Variants in SLC17A9 observed in about 807,000 individuals in gnomAD.
SLC17A9 encodes solute carrier family 17 member 9.
SLC17A9 carries 49 observed loss-of-function variants against 55.0 expected under a neutral mutation model. The observed-to-expected ratio is 0.89, with a 90% CI of 0.71 to 1.13. The LOEUF (loss-of-function observed/expected upper bound fraction) is 1.13, where lower values mean the gene tolerates loss of function less well. Ranked by LOEUF, SLC17A9 falls within the 50% of genes most tolerant of loss-of-function variation. SLC17A9 has a pLI of 0.00. For synonymous variants in SLC17A9, 256 were observed against 247.4 expected (o/e 1.03, Z -0.32); for missense variants, 526 against 569.3 (o/e 0.92, Z 0.77).
chr20:62,961,057 C>G, intron 4 of SLC17A9, among the ~76,000 whole-genome samples: 1 of 129,400 alleles, frequency 7.7e-6, no homozygotes, highest in Non-Finnish European at 1.7e-5. Flanking sequence ...GGCTGGAGGG[C>G]GGCTTGTCCT....
chr20:62,962,505 G>C lies in SLC17A9; in HGVS notation c.498-119G>C. The C allele has an allele frequency of 7.4e-7, 1 of 1,346,632 alleles. No homozygotes were observed. The highest frequency in any genetic ancestry group is 1.4e-5 in the South Asian group (1 of 70,852). The allele number at this position is 1,346,632 out of a possible 1,614,324, so 83.4% of individuals were successfully genotyped here. On this transcript the variant is annotated intron_variant, in intron 4 of 12. Transcript: ENST00000370351. This position sits in a 1 kb window ranked among gnomAD's most constrained non-coding sequence, Gnocchi z 5.5. ...GCTTCTGAGCTGCTCCTCTGGAGGC[G>C]ATGAAAACACCCTCTTCTCCAGGGG...
chr20:62,965,050 G>A, intron 8 of SLC17A9, 82 bp from the exon 9 acceptor site: 1 of 1,539,438 alleles, frequency 6.5e-7, no homozygotes, highest in Non-Finnish European at 9.0e-7. Context: ...CTGCCCCTCT[G>A]CAGCCATTCG....
At position 62,966,752 on chromosome 20, in the gene SLC17A9, G is replaced by C; in HGVS notation, c.1147+20G>C. 1.9e-6 allele frequency: 3 copies of C among 1,603,088 alleles called. No homozygotes were observed. The highest frequency in any genetic ancestry group is 2.5e-6 in the Non-Finnish European group (3 of 1,177,250). The stretch of plus-strand genomic sequence containing the variant: ...TGGCAGGTGAGGGGCGGGCCTCTGT[G>C]CCCAGGAGTTCCCCTGTCTGTGGGG... On this transcript the variant is annotated intron_variant, in intron 12 of 12. Transcript: ENST00000370351.
chr20:62,959,476 T>C (rs558569370), intron 3 of SLC17A9, among the ~76,000 whole-genome samples: 1 of 152,366 alleles, frequency 6.6e-6, no homozygotes, highest in Non-Finnish European at 1.5e-5. Context: ...GGCTGCGTGG[T>C]AACGGTGGGC....
In SLC17A9 at chr20:62,958,003, T is replaced by TGCATGCACATGTGTGA. The variant is rs2065556797; in HGVS notation, c.397+432_397+447dup. Among the ~76,000 whole-genome samples the TGCATGCACATGTGTGA allele has an allele frequency of 6.6e-6, 1 of 152,126 alleles. No homozygotes were observed. Among genetic ancestry groups the TGCATGCACATGTGTGA allele is most frequent in the Non-Finnish European group, 1.5e-5 (1 of 68,004 alleles). ...GCTTGTGCGTGTGCGTACGTATGTG[T>TGCATGCACATGTGTGA]GCATGCACATGTGTGAGCATGCACT... is the stretch of plus-strand genomic sequence containing the variant. On this transcript the variant is annotated intron_variant, in intron 3 of 12. Coordinates refer to ENST00000370351, the MANE Select transcript of SLC17A9 (RefSeq NM_022082.4). The surrounding 1 kb of genome is among the most constrained non-coding windows in gnomAD (Gnocchi z 4.1).
intron 1 of SLC17A9, among the ~76,000 whole-genome samples, chr20:62,954,581 C>T (rs778100834): frequency 4.6e-5 from 7 of 152,216 alleles, no homozygotes; most frequent in East Asian, 1.9e-4. Flanking sequence ...CCGTCCCCCG[C>T]GCCCCCAGCA....
intron 7 of SLC17A9, 68 bp downstream of exon 7, chr20:62,963,748 C>T: frequency 7.0e-7 from 1 of 1,422,504 alleles, no homozygotes; most frequent in South Asian, 1.2e-5. Context: ...GCACCAGGCA[C>T]TGTGGGTCCT....
In SLC17A9 at chr20:62,957,594, A is replaced by C; in HGVS notation, c.397+14A>C. ...GCTTGCTCCAAGGTAAGGGGAGCTC[A>C]GGCGGCTCCCTCACGCTCTCTGGCA... is the stretch of plus-strand genomic sequence containing the variant. On this transcript the variant is annotated intron_variant, in intron 3 of 12. Transcript: ENST00000370351. 1.3e-6 allele frequency: 2 copies of C among 1,525,460 alleles called. No individual in the cohort carries two copies. The highest frequency in any genetic ancestry group is 8.8e-7 in the Non-Finnish European group (1 of 1,136,632). The allele number at this position is 1,525,460 out of a possible 1,614,324, so 94.5% of individuals were successfully genotyped here.
Position 62,962,516 on chromosome 20 carries a change from C to A in SLC17A9, c.498-108C>A. 7.0e-7 allele frequency: 1 copy of A among 1,426,146 alleles called. No individual in the cohort carries two copies. The highest frequency in any genetic ancestry group is 9.4e-7 in the Non-Finnish European group (1 of 1,063,420). The allele number at this position is 1,426,146 out of a possible 1,614,324, so 88.3% of individuals were successfully genotyped here. On this transcript the variant is annotated intron_variant, in intron 4 of 12. Coordinates refer to ENST00000370351, the MANE Select transcript of SLC17A9 (RefSeq NM_022082.4). The surrounding 1 kb of genome is among the most constrained non-coding windows in gnomAD (Gnocchi z 5.5). ...GCTCCTCTGGAGGCGATGAAAACAC[C>A]CTCTTCTCCAGGGGCTCAGCCTGCA...
At position 62,958,202 on chromosome 20, in the gene SLC17A9, ACT is replaced by A. The variant is rs1332116578; in HGVS notation, c.397+625_397+626del. ...ATGTGTGTGCCTTCTGTAGGTGCACACTCTGCAGTGATACACAGGATCACAGG... is the reference window on the plus strand; with the variant it reads ...ATGTGTGTGCCTTCTGTAGGTGCACACTGCAGTGATACACAGGATCACAGG... On this transcript the variant is annotated intron_variant, in intron 3 of 12. Transcript: ENST00000370351. This position sits in a 1 kb window ranked among gnomAD's most constrained non-coding sequence, Gnocchi z 4.1. Among the ~76,000 whole-genome samples, 1 of 151,934 alleles carries A rather than the reference ACT, an allele frequency of 6.6e-6. No homozygotes were observed. Among genetic ancestry groups the A allele is most frequent in the Non-Finnish European group, 1.5e-5 (1 of 67,984 alleles).
intron 1 of SLC17A9, 197 bp downstream of exon 1, chr20:62,953,086 AT>A: frequency 1.5e-6 from 2 of 1,297,532 alleles, no homozygotes; most frequent in East Asian, 5.1e-5. Context: ...CTGCCATGAG[AT>A]TCCAGGACCG....
chr20:62,955,738 T>C (rs1206775310), intron 1 of SLC17A9, among the ~76,000 whole-genome samples: 7 of 152,328 alleles, frequency 4.6e-5, no homozygotes, highest in Admixed American at 1.3e-4. Context: ...ACAGAGAGCC[T>C]GGGGCTAGGT....
chr20:62,953,213 G>A, intron 1 of SLC17A9: 1 of 1,550,478 alleles, frequency 6.4e-7, no homozygotes, highest in Non-Finnish European at 8.7e-7. Flanking sequence ...CTCGCCAGGT[G>A]GAACCACCCT....
In SLC17A9 at chr20:62,967,553, CAG is replaced by C; in HGVS notation, c.*54_*55del. ...CCCAGGCGCCAGCAGCCCCAGGACA[CAG>C]GGGACTCAGTGTGTGGGACTTGGTC... On this transcript the variant is annotated 3_prime_UTR_variant, in exon 13 of 13. Coordinates refer to ENST00000370351, the MANE Select transcript of SLC17A9 (RefSeq NM_022082.4). 2 of 1,578,398 alleles carry C rather than the reference CAG, an allele frequency of 1.3e-6. No homozygotes were observed. The highest frequency in any genetic ancestry group is 2.2e-5 in the East Asian group (1 of 44,476).
chr20:62,966,432 C>G (rs369212321), intron 10 of SLC17A9, 93 bp from the exon 11 acceptor site: 3 of 1,430,288 alleles, frequency 2.1e-6, no homozygotes, highest in Non-Finnish European at 2.9e-6. Context: ...CGTGGCTCCA[C>G]GAGACCTTGC....
intron 9 of SLC17A9, 94 bp downstream of exon 9, chr20:62,965,260 T>C (rs2065625451): frequency 6.5e-7 from 1 of 1,541,644 alleles, no homozygotes. Context: ...TCACCTGATA[T>C]CTGGGACCAG....
chr20:62,965,841 C>A (rs184442480), intron 10 of SLC17A9, 116 bp downstream of exon 10: 2 of 948,706 alleles, frequency 2.1e-6, no homozygotes, highest in African/African-American at 1.6e-5. Flanking sequence ...CACTTCACCC[C>A]CTTCCCAAGC....
chr20:62,953,393 T>C, intron 1 of SLC17A9: 1 of 1,261,002 alleles, frequency 7.9e-7, no homozygotes, highest in South Asian at 1.4e-5. Flanking sequence ...CATTTGGTGG[T>C]GGGGAGAAGC....
At chr20:62,953,153 T>C in intron 1 of SLC17A9, 1 of 1,527,892 alleles carries the variant, frequency 6.5e-7, no homozygotes, top group Non-Finnish European at 8.9e-7. Context: ...CAGGCAGGGC[T>C]ATGTTCCCCA....
Sources: allele counts gnomAD v4.1 joint callset (sites outside exome capture counted in the v4.1 genomes callset), GRCh38; gene constraint gnomAD v4.1.1; non-coding constraint Gnocchi (gnomAD v3.1); transcripts MANE v1.5; gene names NCBI Gene and HGNC (gene_info 2026-07-23, HGNC 2026-07-21).